The following ATP13A2 variants were observed in gnomAD, a reference collection of about 807,000 sequenced individuals.
ATP13A2 encodes the protein ATPase cation transporting 13A2, also known as polyamine-transporting ATPase 13A2.
Under a neutral mutation model 138.3 loss-of-function variants are expected in ATP13A2, and 83 were observed. The ratio of observed to expected loss-of-function variants is 0.60; its 90% CI spans 0.50 to 0.72. The LOEUF (loss-of-function observed/expected upper bound fraction) is 0.72. ATP13A2 is among the 30% of genes least tolerant of loss of function. ATP13A2 has a pLI of 0.00. For missense variants in ATP13A2, 1,402 were observed against 1,606.4 expected, an observed-to-expected ratio of 0.87 and a Z score of 2.17; for synonymous variants, 663 against 699.0, an observed-to-expected ratio of 0.95 and a Z score of 0.81.
chr1:16,990,197 G>C lies in ATP13A2; in HGVS notation c.2342C>G (p.Pro781Arg). 6.2e-7 allele frequency: 1 copy of C among 1,614,010 alleles called. No individual in the cohort carries two copies. The highest frequency in any genetic ancestry group is 8.5e-7 in the Non-Finnish European group (1 of 1,180,040). The change falls in exon 21 of 29, where the codon CCT becomes CGT. Residue 781 changes from proline (P) to arginine (R), a missense_variant. By Grantham distance (103) the Pro-to-Arg change is moderately radical. Coordinates refer to ENST00000326735, the MANE Select transcript of ATP13A2 (RefSeq NM_022089.4). ...EHLIIVHATH[P>R]ERGQPASLEF... Reference sequence around the variant, plus strand: ...GAGAGAGGCAGGCTGACCCCGCTCAGGGTGGGTGGCGTGGACGATGATCAG... The same window carrying C: ...GAGAGAGGCAGGCTGACCCCGCTCACGGTGGGTGGCGTGGACGATGATCAG...
At chr1:17,009,100 G>A (rs922092455) in intron 1 of ATP13A2, among the ~76,000 whole-genome samples, 1 of 152,178 alleles carries the variant, frequency 6.6e-6, no homozygotes, top group African/African-American at 2.4e-5. Context: ...ACAAACGAGA[G>A]CACTGAGCCT....
rs774661817 is a variant in ATP13A2, at chr1:16,991,814, A to G, written c.2171T>C (p.Met724Thr). 3.1e-6 allele frequency: 5 copies of G among 1,614,118 alleles called. No individual in the cohort carries two copies. Among genetic ancestry groups the G allele is most frequent in the South Asian group, 2.2e-5 (2 of 91,088 alleles). The part of the protein sequence containing the change: ...GDLSLLGLLV[M>T]RNLLKPQTTP... Reference sequence around the variant, plus strand: ...TGTCTGCGGCTTCAGTAGGTTCCTCATGACCAGCAGCCCCAGGAGGCTCAG... The same window carrying G: ...TGTCTGCGGCTTCAGTAGGTTCCTCGTGACCAGCAGCCCCAGGAGGCTCAG... Residue 724 changes from methionine to threonine, a missense_variant, in exon 20 of 29, where the codon ATG becomes ACG. Coordinates refer to ENST00000326735, the MANE Select transcript of ATP13A2 (RefSeq NM_022089.4).
rs2077813809 is a variant in ATP13A2, at chr1:17,011,868, T to A, written c.-130A>T. 2.2e-6 allele frequency: 2 copies of A among 905,668 alleles called. No homozygotes were observed. The highest frequency in any genetic ancestry group is 2.7e-6 in the Non-Finnish European group (2 of 747,218). The allele number at this position is 905,668 out of a possible 1,614,324, so 56.1% of individuals were successfully genotyped here. A position where few individuals can be genotyped will look rare whatever the true frequency, so the allele number is the denominator to read the frequency against. ...GAGGGGCGCTGGGCTAGCGCGGGGC[T>A]GGAGCAGGGCTGACGCGGGCGGGGC... On this transcript the variant is annotated 5_prime_UTR_variant, in exon 1 of 29. Coordinates refer to ENST00000326735, the MANE Select transcript of ATP13A2 (RefSeq NM_022089.4). The surrounding 1 kb of genome is among the most constrained non-coding windows in gnomAD (Gnocchi z 7.3).
chr1:17,005,506 G>A lies in ATP13A2; in HGVS notation c.156C>T (p.Val52=), dbSNP rs762883769. The A allele has an allele frequency of 2.5e-6, 4 of 1,614,126 alleles. No individual in the cohort carries two copies. The highest frequency in any genetic ancestry group is 1.3e-5 in the African/African-American group (1 of 74,954). ...GSPWRVIGYH[V]VVWMMAGIPL... ...GGATCCCAGCCATCATCCAGACCAC[G>A]ACGTGATAGCCGATGACCCTCCATG... The change falls in exon 3 of 29, where the codon GTC becomes GTT. Residue 52 remains valine, a synonymous_variant. Transcript: ENST00000326735.
At position 16,992,601 on chromosome 1, in the gene ATP13A2, G is replaced by A. The variant is rs1305686148; in HGVS notation, c.1750-20C>T. 6.2e-7 allele frequency: 1 copy of A among 1,613,692 alleles called. No homozygotes were observed. The highest frequency in any genetic ancestry group is 1.3e-5 in the African/African-American group (1 of 74,958). ...CAGGACCTGGCAGGCAGGCAGGGAA[G>A]TTTGGTGTCTGGGGGCTTTGGCTCA... is the stretch of plus-strand genomic sequence containing the variant. On this transcript the variant is annotated intron_variant, in intron 16 of 28. Coordinates refer to ENST00000326735, the MANE Select transcript of ATP13A2 (RefSeq NM_022089.4).
chr1:17,008,344 C>T (rs1009557598), intron 1 of ATP13A2, among the ~76,000 whole-genome samples: 1 of 152,144 alleles, frequency 6.6e-6, no homozygotes, highest in South Asian at 2.1e-4. Context: ...TCTTTTTGCC[C>T]ATCATTTGTT....
At chr1:16,997,426 G>GGGGGGGGGGA (rs2077178291) in intron 11 of ATP13A2, among the ~76,000 whole-genome samples, 5 of 139,364 alleles carry the variant, frequency 3.6e-5, no homozygotes, top group Non-Finnish European at 3.1e-5. Flanking sequence ...GGGGGGGGTG[G>GGGGGGGGGGA]GTCAGACAGA....
chr1:16,986,885 GAGA>G lies in ATP13A2; in HGVS notation c.3152_3154del (p.Phe1051del), dbSNP rs1057519290. 6.2e-7 allele frequency: 1 copy of G among 1,614,104 alleles called. No individual in the cohort carries two copies. The highest frequency in any genetic ancestry group is 1.1e-5 in the South Asian group (1 of 91,078). ...GATGAGGTACTGGAAGCTGGACAGA[GAGA>G]AGACCACGGTGTTCTCGTAGTTGGG... is the stretch of plus-strand genomic sequence containing the variant. On this transcript the variant is annotated inframe_deletion, in exon 27 of 29. Coordinates refer to ENST00000326735, the MANE Select transcript of ATP13A2 (RefSeq NM_022089.4). The surrounding 1 kb of genome is among the most constrained non-coding windows in gnomAD (Gnocchi z 6.9).
rs973767624 is a variant in ATP13A2 at position 16,991,767 on chromosome 1, G to A, written c.2218C>T (p.Arg740Ter). Residue 740 changes from arginine to a stop codon, truncating the protein, a stop_gained, in exon 20 of 29, where the codon CGA becomes TGA. Transcript: ENST00000326735. LOFTEE classifies it high-confidence loss of function. ...PQTTPVIQAL[R>*]RTRIRAVMVT... ...ATGACGGCGCGGATGCGGGTCCTTCGCAGAGCCTGGATAACTGGCGTTGTC... is the reference window on the plus strand; with the variant it reads ...ATGACGGCGCGGATGCGGGTCCTTCACAGAGCCTGGATAACTGGCGTTGTC... The A allele has an allele frequency of 5.6e-6, 9 of 1,614,020 alleles. No homozygotes were observed. Among genetic ancestry groups the A allele is most frequent in the South Asian group, 2.2e-5 (2 of 91,082 alleles).
chr1:16,989,500 C>T (rs375881448), intron 23 of ATP13A2, among the ~76,000 whole-genome samples, 191 bp downstream of exon 23: 5 of 152,218 alleles, frequency 3.3e-5, no homozygotes, highest in South Asian at 2.1e-4. Flanking sequence ...AATGAGCCAC[C>T]GCACCCAGCC....
intron 11 of ATP13A2, among the ~76,000 whole-genome samples, chr1:16,997,764 C>T (rs1054352048): frequency 4.6e-5 from 7 of 151,082 alleles, no homozygotes; most frequent in Admixed American, 2.0e-4. Flanking sequence ...TAACTTGAAC[C>T]AGAGAGGCGG....
intron 11 of ATP13A2, among the ~76,000 whole-genome samples, chr1:16,997,439 A>C: frequency 7.7e-6 from 1 of 129,634 alleles, no homozygotes; most frequent in Non-Finnish European, 1.6e-5. Context: ...CAGACAGAGC[A>C]TGTGTGGGCA....
rs1199821500 is a variant in ATP13A2, at chr1:17,000,054, G to A, written c.996C>T (p.Ala332=). ...QEGGLMPCDA[A]LVAGECMVNE... ...TCACCATGCACTCGCCGGCCACCAGGGCGGCATCACAGGGCATCAGCCCAC... is the reference window on the plus strand; with the variant it reads ...TCACCATGCACTCGCCGGCCACCAGAGCGGCATCACAGGGCATCAGCCCAC... Residue 332 remains alanine (A), a synonymous_variant, in exon 11 of 29, where the codon GCC becomes GCT. Transcript: ENST00000326735. 6.2e-7 allele frequency: 1 copy of A among 1,613,108 alleles called. No individual in the cohort carries two copies. Among genetic ancestry groups the A allele is most frequent in the East Asian group, 2.2e-5 (1 of 44,870 alleles).
chr1:16,986,946 G>A lies in ATP13A2; in HGVS notation c.3094C>T (p.Leu1032=). 1 of 1,613,968 alleles carries A rather than the reference G, an allele frequency of 6.2e-7. No individual in the cohort carries two copies. ...LTLAQPWFVP[L]NRTVAAPDNL... ...TCTGGTGCGGCCACTGTCCTGTTCA[G>A]AGGCACGAACCTGGGGGTACAGGGA... Residue 1032 remains leucine, a synonymous_variant, in exon 27 of 29, where the codon CTG becomes TTG. Coordinates refer to ENST00000326735, the MANE Select transcript of ATP13A2 (RefSeq NM_022089.4). The surrounding 1 kb of genome is among the most constrained non-coding windows in gnomAD (Gnocchi z 6.9).
intron 24 of ATP13A2, 38 bp downstream of exon 24, chr1:16,988,284 C>T (rs200702121): frequency 1.1e-5 from 18 of 1,614,042 alleles, no homozygotes; most frequent in South Asian, 1.1e-5. Context: ...CTGACCAGCC[C>T]TGCTGAGCCC....
At chr1:17,010,171 A>G (rs901875396) in intron 1 of ATP13A2, among the ~76,000 whole-genome samples, 1 of 115,634 alleles carries the variant, frequency 8.6e-6, no homozygotes. Flanking sequence ...TCCACCTCCC[A>G]GGTTCAAGCA....
rs1042680592 is a variant in ATP13A2 at position 17,004,728 on chromosome 1, C to T, written c.441G>A (p.Gln147=). The part of the protein sequence containing the change: ...VPEGAWKDTA[Q]LHKSEEAVSV... ...TCACCGCCTCCTCGCTCTTGTGGAG[C>T]TGGGCCGTATCCTTCCAGGCACCCT... The change falls in exon 5 of 29, where the codon CAG becomes CAA. Residue 147 remains glutamine (Q), a synonymous_variant. Coordinates refer to ENST00000326735, the MANE Select transcript of ATP13A2 (RefSeq NM_022089.4). The surrounding 1 kb of genome is among the most constrained non-coding windows in gnomAD (Gnocchi z 4.1). 1.9e-5 allele frequency: 30 copies of T among 1,614,032 alleles called. No individual in the cohort carries two copies. The African/African-American group carries it at 3.3e-4, about 18-fold the overall frequency.
At chr1:16,991,902 G>A (rs780888718) in intron 19 of ATP13A2, 44 bp from the exon 20 acceptor site, 9 of 1,613,250 alleles carry the variant, frequency 5.6e-6, no homozygotes, top group Non-Finnish European at 7.6e-6. Context: ...GCAGTGGCCA[G>A]GGCCCCTCTC....
Position 17,004,500 on chromosome 1 carries a change from G to A in ATP13A2, c.478-89C>T, listed in dbSNP as rs555857737. 5.8e-6 allele frequency: 9 copies of A among 1,549,280 alleles called. No individual in the cohort carries two copies. In the South Asian group the frequency reaches 9.1e-5, roughly 16 times the overall value. ...TGCTGGGAGCCGAGGGATGGGGGTA[G>A]GGGGCAGGGACTGGTGTCACCAGAC... On this transcript the variant is annotated intron_variant, in intron 5 of 28. Transcript: ENST00000326735. The surrounding 1 kb of genome is among the most constrained non-coding windows in gnomAD (Gnocchi z 4.1).
Sources: allele counts gnomAD v4.1 joint callset (sites outside exome capture counted in the v4.1 genomes callset), GRCh38; gene constraint gnomAD v4.1.1; non-coding constraint Gnocchi (gnomAD v3.1); transcripts MANE v1.5; gene names NCBI Gene and HGNC (gene_info 2026-07-23, HGNC 2026-07-21).